Variants in WDR49 observed in about 807,000 individuals in gnomAD.
WDR49 encodes cilia- and flagella-associated protein 337.
A neutral mutation model predicts 119.5 loss-of-function variants in WDR49; 107 were observed. The observed-to-expected ratio is 0.90, with a 90% CI of 0.77 to 1.05. The LOEUF is 1.05. Ranked by LOEUF, WDR49 falls within the 50% of genes least tolerant of loss-of-function variation. The pLI is 0.00. For synonymous variants in WDR49, 425 were observed against 418.8 expected (o/e 1.01, Z -0.18); for missense variants, 1,240 against 1,220.5 (o/e 1.02, Z -0.24).
In WDR49 at chr3:167,487,515, A is replaced by G. The variant is rs181139118; in HGVS notation, c.3032-8519T>C. On this transcript the variant is annotated intron_variant, in intron 18 of 18. Coordinates refer to ENST00000682715, the MANE Select transcript of WDR49 (RefSeq NM_001366157.1). ...CCCCAAAAGCAACGGTAACAAGAAC[A>G]AAAGTTGATAAATGGAACCTAATTA... 1.3e-4 allele frequency among the ~76,000 whole-genome samples: 20 copies of G among 152,286 alleles called. 1 individual carries two copies. In the East Asian group the frequency reaches 3.7e-3, roughly 28 times the overall value.
In WDR49 at chr3:167,529,370, C is replaced by T. The variant is rs552784288; in HGVS notation, c.2219-131G>A. The T allele has an allele frequency of 3.3e-5, 24 of 726,936 alleles. No homozygotes were observed. The Admixed American group carries it at 3.8e-4, about 12-fold the overall frequency. 45.0% of individuals were successfully genotyped at this position (726,936 alleles called of 1,614,324 possible). A position where few individuals can be genotyped will look rare whatever the true frequency, so the allele number is the denominator to read the frequency against. ...GTAGCCCTGAGATCAATTCCCAGCACCACTTTAATTTTCTCAAATATAAAA... is the reference window on the plus strand; with the variant it reads ...GTAGCCCTGAGATCAATTCCCAGCATCACTTTAATTTTCTCAAATATAAAA... On this transcript the variant is annotated intron_variant, in intron 13 of 18. Coordinates refer to ENST00000682715, the MANE Select transcript of WDR49 (RefSeq NM_001366157.1).
intron 2 of WDR49, among the ~76,000 whole-genome samples, chr3:167,646,719 G>A (rs1664655335): frequency 1.3e-5 from 2 of 152,132 alleles, no homozygotes; most frequent in Admixed American, 6.6e-5. Flanking sequence ...TTGGCCTTGG[G>A]TCTATTGAGA....
chr3:167,609,362 G>A lies in WDR49; in HGVS notation c.959-4894C>T, dbSNP rs79876377. ...CTTCTCCACCCCTACCAGCAACTGC[G>A]TGGTGCTGAGAGCTTCTCTGGGAAC... On this transcript the variant is annotated intron_variant, in intron 5 of 18. Transcript: ENST00000682715. Among the ~76,000 whole-genome samples the A allele has an allele frequency of 8.8e-3, 1,337 of 152,198 alleles. 89 individuals carry two copies. In the East Asian group the frequency reaches 0.17, roughly 20 times the overall value.
At chr3:167,610,428 G>A (rs961183343) in intron 5 of WDR49, among the ~76,000 whole-genome samples, 20 of 152,326 alleles carry the variant, frequency 1.3e-4, no homozygotes, top group African/African-American at 4.8e-4. Flanking sequence ...TGGGGTAGCA[G>A]TGGCTACAGG....
intron 16 of WDR49, among the ~76,000 whole-genome samples, chr3:167,520,173 G>A (rs981679572): frequency 7.9e-5 from 12 of 151,786 alleles, no homozygotes; most frequent in Admixed American, 6.6e-5. Context: ...ATTGAGCCAG[G>A]GAAGTTGATG....
At chr3:167,542,488 T>C (rs1711905433) in intron 10 of WDR49, among the ~76,000 whole-genome samples, 2 of 152,100 alleles carry the variant, frequency 1.3e-5, no homozygotes, top group South Asian at 4.1e-4. Context: ...AAAGGAACCC[T>C]CAAAACTATA....
chr3:167,490,296 GGTCT>G (rs972086648), intron 18 of WDR49, among the ~76,000 whole-genome samples: 4 of 151,984 alleles, frequency 2.6e-5, no homozygotes, highest in Non-Finnish European at 4.4e-5. Context: ...CCAAAATTTT[GGTCT>G]GTGTGTGTTG....
chr3:167,526,974 G>A (rs187913616), intron 15 of WDR49, among the ~76,000 whole-genome samples: 36 of 152,150 alleles, frequency 2.4e-4, no homozygotes, highest in African/African-American at 8.2e-4. Context: ...TATTTTGTCC[G>A]CAAAAGCACA....
At chr3:167,578,472 T>C (rs1714366274) in intron 7 of WDR49, among the ~76,000 whole-genome samples, 1 of 152,192 alleles carries the variant, frequency 6.6e-6, no homozygotes, top group Admixed American at 6.5e-5. Flanking sequence ...GTGGTGTATA[T>C]ATTTTTATAC....
At chr3:167,522,013 G>GATAGATAT (rs1275356016) in intron 16 of WDR49, among the ~76,000 whole-genome samples, 94 of 119,434 alleles carry the variant, frequency 7.9e-4, no homozygotes, top group Non-Finnish European at 1.0e-3. Flanking sequence ...TAGATAGATA[G>GATAGATAT]ATAGATTGTT....
chr3:167,490,743 T>C lies in WDR49; in HGVS notation c.3031+9410A>G, dbSNP rs559727905. On this transcript the variant is annotated intron_variant, in intron 18 of 18. Coordinates refer to ENST00000682715, the MANE Select transcript of WDR49 (RefSeq NM_001366157.1). ...GTTGTTAGATTCTAGTTGAGTTCAC[T>C]GTTTTTGAACTATTTTTGCCCCTCT... Among the ~76,000 whole-genome samples the C allele has an allele frequency of 9.2e-5, 14 of 152,258 alleles. No individual in the cohort carries two copies. In the East Asian group the frequency reaches 1.7e-3, roughly 19 times the overall value.
At chr3:167,548,640 C>A (rs1712352880) in intron 10 of WDR49, among the ~76,000 whole-genome samples, 1 of 151,980 alleles carries the variant, frequency 6.6e-6, no homozygotes. Flanking sequence ...CTTATCTTTA[C>A]AGGCTCACAG....
intron 5 of WDR49, among the ~76,000 whole-genome samples, chr3:167,609,374 G>C (rs1380817604): frequency 6.6e-6 from 1 of 152,138 alleles, no homozygotes; most frequent in Admixed American, 6.5e-5. Context: ...GGTGCTGAGA[G>C]CTTCTCTGGG....
intron 8 of WDR49, among the ~76,000 whole-genome samples, chr3:167,571,221 T>G (rs76059542): frequency 0.044 from 6,678 of 152,030 alleles, 308 homozygotes; most frequent in African/African-American, 0.099. Context: ...GGTCTAGTAT[T>G]CAAATTTGCA....
Position 167,527,931 on chromosome 3 carries a change from A to G in WDR49, c.2493T>C (p.Ser831=). 1 of 1,613,362 alleles carries G rather than the reference A, an allele frequency of 6.2e-7. No homozygotes were observed. Among genetic ancestry groups the G allele is most frequent in the Non-Finnish European group, 8.5e-7 (1 of 1,179,578 alleles). The part of the protein sequence containing the change: ...RSFQPHEDRI[S]SLEMCEPGGQ... The stretch of plus-strand genomic sequence containing the variant: ...CACCTGGCTCACACATCTCTAAGGA[A>G]CTTATTCGGTCCTCATGAGGTTGGA... The change falls in exon 15 of 19, where the codon AGT becomes AGC. Residue 831 remains serine, a synonymous_variant. Transcript: ENST00000682715.
At chr3:167,513,509 C>T (rs1752072002) in intron 16 of WDR49, among the ~76,000 whole-genome samples, 1 of 152,144 alleles carries the variant, frequency 6.6e-6, no homozygotes, top group African/African-American at 2.4e-5. Context: ...CAAAAACACC[C>T]TGAAGTACAC....
intron 16 of WDR49, among the ~76,000 whole-genome samples, chr3:167,508,226 T>C (rs1751844716): frequency 6.6e-6 from 1 of 152,198 alleles, no homozygotes; most frequent in Admixed American, 6.5e-5. Context: ...GATAAAATAT[T>C]TGATGGCTTG....
Position 167,611,389 on chromosome 3 carries a change from C to T in WDR49, c.959-6921G>A, listed in dbSNP as rs1475548900. 5.9e-5 allele frequency among the ~76,000 whole-genome samples: 9 copies of T among 152,192 alleles called. No individual in the cohort carries two copies. The East Asian group carries it at 9.7e-4, about 16-fold the overall frequency. On this transcript the variant is annotated intron_variant, in intron 5 of 18. Transcript: ENST00000682715. ...TAAATCATATCATCAGAGACAATCA[C>T]TTTCATTAGAGGAACATAAGGAGGA...
intron 9 of WDR49, among the ~76,000 whole-genome samples, chr3:167,556,454 T>TA (rs1195398607): frequency 2.0e-5 from 3 of 152,208 alleles, no homozygotes; most frequent in Non-Finnish European, 2.9e-5. Context: ...TTAACCTACT[T>TA]AGACAGTGGA....
Sources: allele counts gnomAD v4.1 joint callset (sites outside exome capture counted in the v4.1 genomes callset), GRCh38; gene constraint gnomAD v4.1.1; transcripts MANE v1.5; gene names NCBI Gene and HGNC (gene_info 2026-07-23, HGNC 2026-07-21).